The following SBF2 variants were observed in gnomAD, a reference collection of about 807,000 sequenced individuals.
SBF2 encodes SET binding factor 2.
A neutral mutation model predicts 225.2 loss-of-function variants in SBF2; 112 were observed. The observed-to-expected ratio is 0.50, with a 90% CI of 0.43 to 0.58. SBF2 has a LOEUF of 0.58. Among genes scored for constraint, SBF2 ranks in the 20% least tolerant of loss-of-function variants. The pLI, the probability that SBF2 is intolerant of heterozygous loss-of-function variation, is 0.00. For missense variants in SBF2, 1,996 were observed against 2,206.2 expected, an observed-to-expected ratio of 0.90 and a Z score of 1.91; for synonymous variants, 763 against 773.3, an observed-to-expected ratio of 0.99 and a Z score of 0.22.
intron 16 of SBF2, among the ~76,000 whole-genome samples, chr11:9,924,724 G>A (rs912119389): frequency 4.0e-5 from 6 of 149,710 alleles, no homozygotes; most frequent in African/African-American, 1.5e-4. Context: ...GAGCCACCAC[G>A]CCCAGTCGCA....
chr11:9,983,696 A>C (rs1427526107), intron 13 of SBF2, among the ~76,000 whole-genome samples: 1 of 152,026 alleles, frequency 6.6e-6, no homozygotes, highest in African/African-American at 2.4e-5. Flanking sequence ...CGCCACCTCC[A>C]CCGGAACAGG....
At chr11:10,082,314 T>C (rs774328146) in intron 2 of SBF2, among the ~76,000 whole-genome samples, 1 of 152,200 alleles carries the variant, frequency 6.6e-6, no homozygotes, top group Non-Finnish European at 1.5e-5. Context: ...GAATAGCTGG[T>C]ACCAGTCCTA....
chr11:9,926,900 G>A (rs1164336378), intron 16 of SBF2, among the ~76,000 whole-genome samples: 2 of 152,008 alleles, frequency 1.3e-5, no homozygotes, highest in African/African-American at 4.8e-5. Flanking sequence ...ATGTCGTGTA[G>A]AAATCAATAA....
intron 6 of SBF2, among the ~76,000 whole-genome samples, chr11:10,011,271 G>A (rs1021478740): frequency 6.6e-6 from 1 of 152,042 alleles, no homozygotes; most frequent in Non-Finnish European, 1.5e-5. Flanking sequence ...CCATCACCCA[G>A]GCTGGAGTAT....
At chr11:9,945,914 T>C (rs1157440023) in intron 16 of SBF2, among the ~76,000 whole-genome samples, 1 of 151,976 alleles carries the variant, frequency 6.6e-6, no homozygotes, top group African/African-American at 2.4e-5. Context: ...TGGACTATTA[T>C]TAAAAAGTTA....
chr11:10,084,660 T>C (rs936627917), intron 2 of SBF2, among the ~76,000 whole-genome samples: 3 of 152,184 alleles, frequency 2.0e-5, no homozygotes, highest in African/African-American at 7.2e-5. Flanking sequence ...CTATTCACAA[T>C]GGCAAAGATA....
At chr11:9,807,375 T>C (rs1853912338) in intron 32 of SBF2, among the ~76,000 whole-genome samples, 2 of 152,236 alleles carry the variant, frequency 1.3e-5, no homozygotes, top group Admixed American at 6.5e-5. Context: ...CTCCCACTTA[T>C]AAGTGAGAAC....
At chr11:10,205,990 C>T (rs1171333490) in intron 1 of SBF2, among the ~76,000 whole-genome samples, 1 of 151,836 alleles carries the variant, frequency 6.6e-6, no homozygotes, top group Admixed American at 6.6e-5. Context: ...AGAGAGACTC[C>T]ACTGTAACAA....
chr11:10,109,181 A>ATG (rs1025901287), intron 2 of SBF2, among the ~76,000 whole-genome samples: 8 of 145,104 alleles, frequency 5.5e-5, no homozygotes, highest in Non-Finnish European at 9.2e-5. Flanking sequence ...GTTCAAAGGT[A>ATG]TGTGTGTATA....
At chr11:10,173,382 T>C (rs932647604) in intron 2 of SBF2, among the ~76,000 whole-genome samples, 4 of 152,126 alleles carry the variant, frequency 2.6e-5, no homozygotes, top group Non-Finnish European at 5.9e-5. Flanking sequence ...CCTTTCCTAG[T>C]CAAAGAAAGG....
intron 35 of SBF2, 105 bp from the exon 36 acceptor site, chr11:9,787,843 A>G: frequency 4.4e-6 from 4 of 918,044 alleles, no homozygotes; most frequent in Non-Finnish European, 7.0e-6. Flanking sequence ...GCATGGCCAG[A>G]GGGCAGTTGA....
rs1176152916 is a variant in SBF2, at chr11:10,272,171, T to G, written c.55+21844A>C. The stretch of plus-strand genomic sequence containing the variant: ...GTACTGTTGAAGCTCTGCAGCTGCC[T>G]GAGAGACCTTGATCCTCTCCACGCC... On this transcript the variant is annotated intron_variant, in intron 1 of 39. Transcript: ENST00000256190. 1.8e-6 allele frequency: 2 copies of G among 1,130,770 alleles called. 1 individual carries two copies. The highest frequency in any genetic ancestry group is 3.2e-5 in the African/African-American group (2 of 62,948). The allele number at this position is 1,130,770 out of a possible 1,614,324, so 70.0% of individuals were successfully genotyped here.
intron 2 of SBF2, among the ~76,000 whole-genome samples, chr11:10,118,086 T>C (rs1953248072): frequency 6.6e-6 from 1 of 152,222 alleles, no homozygotes; most frequent in South Asian, 2.1e-4. Flanking sequence ...CTTCAGTTCC[T>C]GCCTTGATTC....
chr11:9,908,593 C>T (rs71463738), intron 16 of SBF2, among the ~76,000 whole-genome samples: 1 of 151,740 alleles, frequency 6.6e-6, no homozygotes, highest in Non-Finnish European at 1.5e-5. Context: ...CGCTACTGCA[C>T]TCCAGCCTAG....
chr11:10,230,652 G>A, intron 1 of SBF2, among the ~76,000 whole-genome samples: 1 of 152,148 alleles, frequency 6.6e-6, no homozygotes, highest in Admixed American at 6.5e-5. Context: ...AGTTTCTTTT[G>A]GCTTGTAGAG....
chr11:9,969,987 G>C (rs1393747495), intron 13 of SBF2, among the ~76,000 whole-genome samples: 1 of 152,078 alleles, frequency 6.6e-6, no homozygotes, highest in Non-Finnish European at 1.5e-5. Context: ...AGACTCTTTG[G>C]GTTGGCATGA....
intron 1 of SBF2, among the ~76,000 whole-genome samples, chr11:10,210,490 A>C (rs1233202666): frequency 1.3e-5 from 2 of 152,172 alleles, no homozygotes; most frequent in African/African-American, 4.8e-5. Flanking sequence ...CCCAATAGCA[A>C]GGGAGTCTCT....
chr11:9,822,769 C>T (rs1322250644), intron 28 of SBF2, among the ~76,000 whole-genome samples: 1 of 152,154 alleles, frequency 6.6e-6, no homozygotes, highest in Non-Finnish European at 1.5e-5. Context: ...AAAAGAGATG[C>T]TTAGGTCACA....
intron 2 of SBF2, among the ~76,000 whole-genome samples, chr11:10,174,966 G>C (rs1005423932): frequency 4.0e-5 from 6 of 151,824 alleles, no homozygotes; most frequent in African/African-American, 1.5e-4. Context: ...AATGCTGAGA[G>C]ATTTTGTCAC....
Sources: gnomAD v4.1 joint callset for allele counts (sites outside exome capture counted in the v4.1 genomes callset) on GRCh38, gnomAD v4.1.1 for gene constraint, MANE v1.5 for transcripts, NCBI Gene and HGNC (gene_info 2026-07-23, HGNC 2026-07-21) for gene names.